SLC9B2: variants seen among roughly 807,000 people sequenced by gnomAD.
The protein encoded by SLC9B2 is sodium/hydrogen exchanger 9B2.
In SLC9B2, 39 loss-of-function variants were observed where a neutral mutation model predicts 52.2. The observed-to-expected ratio is 0.75, with a 90% confidence interval of 0.58 to 0.98. The LOEUF is 0.98. Among genes scored for constraint, SLC9B2 ranks in the 50% least tolerant of loss-of-function variants. The probability of loss-of-function intolerance (pLI) is 0.00; values close to 1 mark genes in which losing one functional copy is unlikely to be tolerated. For missense variants in SLC9B2, 626 were observed against 637.5 expected (o/e 0.98, Z 0.19); for synonymous variants, 214 against 227.0 (o/e 0.94, Z 0.51).
At chr4:103,039,577 G>A (rs1167801004) in intron 9 of SLC9B2, among the ~76,000 whole-genome samples, 1 of 151,714 alleles carries the variant, frequency 6.6e-6, no homozygotes, top group South Asian at 2.1e-4. Flanking sequence ...CCTGCCACAC[G>A]ACAGAGTCAA....
chr4:103,051,081 AG>A (rs1458220433), intron 4 of SLC9B2, among the ~76,000 whole-genome samples: 18 of 152,144 alleles, frequency 1.2e-4, no homozygotes, highest in Non-Finnish European at 2.2e-4. Flanking sequence ...TGAGGCAGGA[AG>A]GGGGATTTAG....
intron 9 of SLC9B2, among the ~76,000 whole-genome samples, chr4:103,042,874 G>A (rs1272052635): frequency 3.3e-5 from 5 of 149,558 alleles, no homozygotes; most frequent in Admixed American, 2.0e-4. Flanking sequence ...TTATGTTATC[G>A]TTTAATTGGC....
intron 4 of SLC9B2, 125 bp downstream of exon 4, chr4:103,057,676 C>G: frequency 9.7e-7 from 1 of 1,031,708 alleles, no homozygotes; most frequent in Non-Finnish European, 1.4e-6. Flanking sequence ...AATTTAACAA[C>G]TGGCTTTTGG....
intron 9 of SLC9B2, among the ~76,000 whole-genome samples, chr4:103,041,562 T>G (rs1055128183): frequency 9.2e-5 from 14 of 152,208 alleles, no homozygotes; most frequent in African/African-American, 3.4e-4. Flanking sequence ...TTCATTTCTC[T>G]GTTGCTAAAA....
chr4:103,064,853 T>C (rs1745971979), intron 3 of SLC9B2, among the ~76,000 whole-genome samples: 2 of 152,312 alleles, frequency 1.3e-5, no homozygotes, highest in Admixed American at 6.5e-5. Context: ...ATGTTAAAAT[T>C]ATCTTTATCT....
At chr4:103,058,017 T>C (rs773105257) in intron 3 of SLC9B2, 46 bp from the exon 4 acceptor site, 44 of 1,513,858 alleles carry the variant, frequency 2.9e-5, no homozygotes, top group Non-Finnish European at 3.8e-5. Flanking sequence ...AGTTGTCACA[T>C]GGAGGTTTTG....
In SLC9B2 at chr4:103,067,419, A is replaced by G. The variant is rs200384676; in HGVS notation, c.90+42T>C. ...ATAGGAGAATTGGTAAATGAGTGGT[A>G]GAATATGAAGAAAACACAATTCTAT... On this transcript the variant is annotated intron_variant, in intron 2 of 11. Transcript: ENST00000394785. 4.4e-5 allele frequency: 68 copies of G among 1,545,618 alleles called. No homozygotes were observed. The African/African-American group carries it at 8.3e-4, about 19-fold the overall frequency.
intron 8 of SLC9B2, among the ~76,000 whole-genome samples, chr4:103,044,024 C>CT (rs968656327): frequency 2.6e-5 from 4 of 152,092 alleles, no homozygotes; most frequent in African/African-American, 9.7e-5. Flanking sequence ...GAATTGTGTA[C>CT]TTTTTTTCCC....
chr4:103,075,399 C>G (rs575699768), intron 1 of SLC9B2, among the ~76,000 whole-genome samples: 2 of 152,190 alleles, frequency 1.3e-5, no homozygotes, highest in Non-Finnish European at 2.9e-5. Flanking sequence ...ATATGCCCAC[C>G]TCGGCCTCAC....
chr4:103,041,134 A>AT (rs1330360807), intron 9 of SLC9B2, among the ~76,000 whole-genome samples: 1 of 152,220 alleles, frequency 6.6e-6, no homozygotes, highest in Non-Finnish European at 1.5e-5. Context: ...TGTTAGGAAT[A>AT]TTCCTTAAGG....
At chr4:103,042,697 C>T (rs1183618294) in intron 9 of SLC9B2, among the ~76,000 whole-genome samples, 1 of 151,470 alleles carries the variant, frequency 6.6e-6, no homozygotes, top group Non-Finnish European at 1.5e-5. Context: ...TAAATTGGTA[C>T]AGTCTTTTAA....
intron 4 of SLC9B2, among the ~76,000 whole-genome samples, chr4:103,055,668 G>C (rs1745068100): frequency 6.6e-6 from 1 of 151,750 alleles, no homozygotes; most frequent in Non-Finnish European, 1.5e-5. Flanking sequence ...AAAAAAAACT[G>C]TTCAGGAAAT....
chr4:103,021,533 G>A (rs1741791300), downstream of SLC9B2, among the ~76,000 whole-genome samples: 1 of 151,998 alleles, frequency 6.6e-6, no homozygotes, highest in South Asian at 2.1e-4. Context: ...TAAAAATTAA[G>A]TTTTAAAAAT....
In SLC9B2 at chr4:103,041,769, C is replaced by T. The variant is rs893549766; in HGVS notation, c.1146+1527G>A. On this transcript the variant is annotated intron_variant, in intron 9 of 11. Coordinates refer to ENST00000394785, the MANE Select transcript of SLC9B2 (RefSeq NM_178833.7). ...CATGCACAATAATGCTACAGTTGTA[C>T]TACAGCATAGTACAACTCACCTTGG... Among the ~76,000 whole-genome samples the T allele has an allele frequency of 4.9e-4, 74 of 152,098 alleles. 1 individual carries two copies. The highest frequency in any genetic ancestry group is 5.2e-4 in the Admixed American group (8 of 15,256).
At chr4:103,066,004 T>C (rs1746089593) in intron 3 of SLC9B2, among the ~76,000 whole-genome samples, 2 of 152,220 alleles carry the variant, frequency 1.3e-5, no homozygotes, top group South Asian at 4.1e-4. Context: ...GTTTATGTAG[T>C]GTTTTACAGT....
downstream of SLC9B2, chr4:103,019,918 T>C (rs34955446): frequency 0.035 from 34,098 of 987,542 alleles, 634 homozygotes; most frequent in Non-Finnish European, 0.038. Flanking sequence ...TTGACATCAC[T>C]GGGCATTTTA....
At chr4:103,052,918 TA>T (rs1378621007) in intron 4 of SLC9B2, among the ~76,000 whole-genome samples, 2 of 152,128 alleles carry the variant, frequency 1.3e-5, no homozygotes, top group Non-Finnish European at 2.9e-5. Flanking sequence ...TTTCCTTTGC[TA>T]GTGGTCTGGT....
chr4:103,050,687 C>A (rs1744598177), intron 4 of SLC9B2, among the ~76,000 whole-genome samples: 1 of 152,208 alleles, frequency 6.6e-6, no homozygotes, highest in Admixed American at 6.5e-5. Flanking sequence ...TAATACAATG[C>A]CAGCTCAGTC....
intron 9 of SLC9B2, among the ~76,000 whole-genome samples, chr4:103,042,766 G>C (rs1204929736): frequency 6.6e-6 from 1 of 151,334 alleles, no homozygotes; most frequent in Non-Finnish European, 1.5e-5. Context: ...AGAGCAATCT[G>C]ATTTCTAGAA....
Sources: gnomAD v4.1 joint callset for allele counts (sites outside exome capture counted in the v4.1 genomes callset) on GRCh38, gnomAD v4.1.1 for gene constraint, MANE v1.5 for transcripts, NCBI Gene and HGNC (gene_info 2026-07-23, HGNC 2026-07-21) for gene names.